ERI1: variants seen among roughly 807,000 people sequenced by gnomAD.
The protein encoded by ERI1 is 3'-5' exoribonuclease 1.
Under a neutral mutation model 39.7 loss-of-function variants are expected in ERI1, and 39 were observed. The observed-to-expected ratio is 0.98, with a 90% CI of 0.76 to 1.28. The LOEUF is 1.28. Ranked by LOEUF, ERI1 falls within the 50% of genes most tolerant of loss-of-function variation. ERI1 has a pLI of 0.00. For synonymous variants in ERI1, 204 were observed against 149.6 expected (o/e 1.36, Z -2.65); for missense variants, 581 against 416.9 (o/e 1.39, Z -3.43).
chr8:9,008,191 T>C (rs1197206509), intron 2 of ERI1, 43 bp downstream of exon 2: 1 of 1,411,798 alleles, frequency 7.1e-7, no homozygotes, highest in Non-Finnish European at 9.5e-7. Context: ...TAGTACATGC[T>C]CATTTTAGAA....
chr8:9,078,442 A>G lies in ERI1; in HGVS notation n.300-37906A>G, dbSNP rs571184316. On this transcript the variant is annotated intron_variant and non_coding_transcript_variant, in intron 3 of 3. Coordinates refer to the ERI1 transcript ENST00000518663. ...AGGTTTTGAGAGTTTAAGCGACTTA[A>G]CCATAACCATAGAGCTAATACTTGG... is the stretch of plus-strand genomic sequence containing the variant. 4.6e-5 allele frequency among the ~76,000 whole-genome samples: 7 copies of G among 152,154 alleles called. No individual in the cohort carries two copies. In the South Asian group the frequency reaches 8.3e-4, roughly 18 times the overall value.
rs779508149 is a variant in ERI1 at position 9,020,435 on chromosome 8, A to G, written c.778A>G (p.Ile260Val). 4 of 1,605,402 alleles carry G rather than the reference A, an allele frequency of 2.5e-6. No homozygotes were observed. The highest frequency in any genetic ancestry group is 3.4e-6 in the Non-Finnish European group (4 of 1,176,352). ...TCCTTTTGCGAAAAAGTGGATCAAT[A>G]TTCGGAAGTCATATGGAAATTTTTA... ...YPPFAKKWIN[I>V]RKSYGNFYKV... The change falls in exon 6 of 7, where the codon ATT becomes GTT. Residue 260 changes from isoleucine to valine, a missense_variant. Transcript: ENST00000250263.
intron 1 of ERI1, among the ~76,000 whole-genome samples, chr8:9,005,675 T>G (rs1217160032): frequency 1.4e-5 from 2 of 142,114 alleles, no homozygotes; most frequent in Admixed American, 1.3e-4. Context: ...CCCGGCTAAT[T>G]TTTTGTATTT....
At chr8:9,067,381 C>CGT (rs1563369279) in intron 3 of ERI1, among the ~76,000 whole-genome samples, 88 of 69,088 alleles carry the variant, frequency 1.3e-3, no homozygotes, top group South Asian at 4.6e-3. Flanking sequence ...AACCTGTGTG[C>CGT]ATGTGTGTGT....
At chr8:9,080,706 C>T (rs928365974) in intron 3 of ERI1, among the ~76,000 whole-genome samples, 2 of 152,178 alleles carry the variant, frequency 1.3e-5, no homozygotes, top group African/African-American at 4.8e-5. Flanking sequence ...GTGGAATCGT[C>T]ACCAGTGTGG....
intron 3 of ERI1, among the ~76,000 whole-genome samples, chr8:9,092,165 C>T (rs978708543): frequency 1.3e-5 from 2 of 152,174 alleles, no homozygotes; most frequent in Non-Finnish European, 2.9e-5. Context: ...CCATGTTGCC[C>T]AGGCTGGTCT....
intron 3 of ERI1, among the ~76,000 whole-genome samples, chr8:9,055,976 G>A (rs1433448469): frequency 6.6e-6 from 1 of 152,230 alleles, no homozygotes; most frequent in East Asian, 1.9e-4. Context: ...AAAGGCAGGG[G>A]AAGGTCAGAG....
intron 3 of ERI1, among the ~76,000 whole-genome samples, chr8:9,038,750 A>G (rs1049452523): frequency 6.6e-6 from 1 of 152,240 alleles, no homozygotes; most frequent in Non-Finnish European, 1.5e-5. Flanking sequence ...AGTTTCTTCT[A>G]TATTTACTCA....
chr8:9,046,069 T>A (rs1176833374), intron 3 of ERI1, among the ~76,000 whole-genome samples: 1 of 152,120 alleles, frequency 6.6e-6, no homozygotes, highest in Non-Finnish European at 1.5e-5. Context: ...GAAAATTCAT[T>A]TAAAAATTAA....
intron 3 of ERI1, among the ~76,000 whole-genome samples, chr8:9,093,040 T>C (rs1799757035): frequency 6.6e-6 from 1 of 152,216 alleles, no homozygotes; most frequent in Non-Finnish European, 1.5e-5. Context: ...TATGTCTGTC[T>C]CCAAATTTCC....
At chr8:9,076,276 G>A (rs897671937) in intron 3 of ERI1, among the ~76,000 whole-genome samples, 2 of 152,164 alleles carry the variant, frequency 1.3e-5, no homozygotes, top group Non-Finnish European at 2.9e-5. Flanking sequence ...AAAAATACAA[G>A]CAAGCCATGT....
At chr8:9,043,488 C>G (rs968441213) in intron 3 of ERI1, among the ~76,000 whole-genome samples, 8 of 152,206 alleles carry the variant, frequency 5.3e-5, no homozygotes, top group Admixed American at 3.3e-4. Flanking sequence ...TCAGGAACAT[C>G]TCTTATGGAA....
rs536326835 is a variant in ERI1 at position 9,059,223 on chromosome 8, G to C, written n.299+38759G>C. Among the ~76,000 whole-genome samples the C allele has an allele frequency of 2.0e-5, 3 of 152,274 alleles. 1 individual carries two copies. The East Asian group carries it at 5.8e-4, about 29-fold the overall frequency. The stretch of plus-strand genomic sequence containing the variant: ...ATTTTCACTTGTTTTGTGGTGGAAT[G>C]TCATCAGTTAAGGCAGGAAGCGGCC... On this transcript the variant is annotated intron_variant and non_coding_transcript_variant, in intron 3 of 3. Coordinates refer to the ERI1 transcript ENST00000518663.
chr8:9,004,526 G>T (rs1315368423), intron 1 of ERI1, among the ~76,000 whole-genome samples: 1 of 120,586 alleles, frequency 8.3e-6, no homozygotes, highest in Non-Finnish European at 1.6e-5. Context: ...AAAGCCGGTC[G>T]TAGTTGCCCT....
intron 3 of ERI1, among the ~76,000 whole-genome samples, chr8:9,054,233 G>A (rs1247930448): frequency 6.6e-6 from 1 of 152,178 alleles, no homozygotes; most frequent in African/African-American, 2.4e-5. Flanking sequence ...ACTCATGGCA[G>A]GCTCCCATTA....
intron 6 of ERI1, among the ~76,000 whole-genome samples, chr8:9,028,903 C>T (rs561278628): frequency 6.6e-6 from 1 of 150,932 alleles, no homozygotes; most frequent in Non-Finnish European, 1.5e-5. Context: ...GGATTACAGG[C>T]GTGAGCTACC....
chr8:9,068,027 C>T (rs1410187784), intron 3 of ERI1, among the ~76,000 whole-genome samples: 2 of 152,148 alleles, frequency 1.3e-5, no homozygotes, highest in Non-Finnish European at 2.9e-5. Context: ...TTCCACTAAA[C>T]CTTGAACAAT....
At chr8:9,095,013 G>A (rs1799832745) in intron 3 of ERI1, among the ~76,000 whole-genome samples, 2 of 152,102 alleles carry the variant, frequency 1.3e-5, no homozygotes, top group Admixed American at 1.3e-4. Context: ...TTTGGAGCCA[G>A]AAGGTGGGAT....
At chr8:9,039,464 A>G (rs1797951420) in intron 3 of ERI1, among the ~76,000 whole-genome samples, 1 of 152,238 alleles carries the variant, frequency 6.6e-6, no homozygotes, top group African/African-American at 2.4e-5. Context: ...TACAAAAATC[A>G]TTAAAAACCA....
Sources: allele counts gnomAD v4.1 joint callset (sites outside exome capture counted in the v4.1 genomes callset), GRCh38; gene constraint gnomAD v4.1.1; transcripts MANE v1.5; gene names NCBI Gene and HGNC (gene_info 2026-07-23, HGNC 2026-07-21).